The following COL8A1 variants were observed in gnomAD, a reference collection of about 807,000 sequenced individuals.
COL8A1 encodes collagen alpha-1(VIII) chain.
A neutral mutation model predicts 42.7 loss-of-function variants in COL8A1; 21 were observed. That is an observed-to-expected ratio of 0.49 (90% CI 0.35 to 0.71). The LOEUF is 0.71. COL8A1 is among the 30% of genes least tolerant of loss of function. The pLI, the probability that COL8A1 is intolerant of heterozygous loss-of-function variation, is 0.01. For synonymous variants in COL8A1, 367 were observed against 369.1 expected, an observed-to-expected ratio of 0.99 and a Z score of 0.06; for missense variants, 788 against 962.4, an observed-to-expected ratio of 0.82 and a Z score of 2.40.
chr3:99,760,604 A>T (rs1399317760), intron 2 of COL8A1, among the ~76,000 whole-genome samples: 2 of 152,286 alleles, frequency 1.3e-5, no homozygotes, highest in East Asian at 3.9e-4. Flanking sequence ...CCTCAAAACC[A>T]TCTGAGTTAA....
chr3:99,668,219 T>C (rs929357706), intron 1 of COL8A1, among the ~76,000 whole-genome samples: 1 of 152,166 alleles, frequency 6.6e-6, no homozygotes, highest in Non-Finnish European at 1.5e-5. Context: ...CCTGTCAGTG[T>C]GGAAAAAGAA....
At chr3:99,793,965 T>C (rs1172616585) in intron 3 of COL8A1, among the ~76,000 whole-genome samples, 2 of 152,226 alleles carry the variant, frequency 1.3e-5, no homozygotes, top group Non-Finnish European at 2.9e-5. Flanking sequence ...TTGGCCAAGC[T>C]GGTCTCGAAC....
intron 1 of COL8A1, among the ~76,000 whole-genome samples, chr3:99,708,500 AC>A (rs1939745515): frequency 6.6e-6 from 1 of 152,012 alleles, no homozygotes; most frequent in African/African-American, 2.4e-5. Context: ...TGATGATAAA[AC>A]CTTCCACCCG....
At chr3:99,711,094 G>A (rs1939821399) in intron 1 of COL8A1, among the ~76,000 whole-genome samples, 2 of 143,048 alleles carry the variant, frequency 1.4e-5, no homozygotes, top group African/African-American at 5.4e-5. Flanking sequence ...AATTTATTGT[G>A]ACAATTCCAA....
Position 99,794,789 on chromosome 3 carries a change from G to A in COL8A1, c.888G>A (p.Gly296=). ...LGKPGAPGEP[G]PQGPIGVPGV... ...AGCCAGGGGCTCCAGGAGAACCTGG[G>A]CCACAAGGCCCTATTGGGGTACCGG... Residue 296 remains glycine, a synonymous_variant, in exon 4 of 4, where the codon GGG becomes GGA. Transcript: ENST00000652472. The surrounding 1 kb of genome is among the most constrained non-coding windows in gnomAD (Gnocchi z 4.3). 6.2e-7 allele frequency: 1 copy of A among 1,602,598 alleles called. No individual in the cohort carries two copies. The highest frequency in any genetic ancestry group is 8.5e-7 in the Non-Finnish European group (1 of 1,175,570).
chr3:99,739,683 C>A (rs1473871581), intron 1 of COL8A1, among the ~76,000 whole-genome samples: 2 of 152,192 alleles, frequency 1.3e-5, no homozygotes, highest in African/African-American at 4.8e-5. Context: ...GAACACAGGG[C>A]ACCAAGTCCC....
chr3:99,692,343 G>A (rs114796243), intron 1 of COL8A1, among the ~76,000 whole-genome samples: 14,103 of 152,234 alleles, frequency 0.093, 847 homozygotes, highest in Non-Finnish European at 0.14. Context: ...ACAGAAAAAT[G>A]GATAGTAGGC....
chr3:99,743,990 G>A (rs1442600551), intron 1 of COL8A1, among the ~76,000 whole-genome samples: 2 of 150,886 alleles, frequency 1.3e-5, no homozygotes, highest in African/African-American at 2.4e-5. Flanking sequence ...GTGCAGTGGC[G>A]CGATCTCGGC....
At chr3:99,665,379 G>C (rs1938333505) in intron 1 of COL8A1, among the ~76,000 whole-genome samples, 1 of 152,232 alleles carries the variant, frequency 6.6e-6, no homozygotes, top group South Asian at 2.1e-4. Context: ...ATAACATGGA[G>C]GAGAGGGAAA....
At chr3:99,730,466 G>A (rs774248899) in intron 1 of COL8A1, among the ~76,000 whole-genome samples, 13 of 152,088 alleles carry the variant, frequency 8.5e-5, no homozygotes, top group Non-Finnish European at 1.9e-4. Context: ...CCTGGCCACT[G>A]AAGCCCAGCC....
At chr3:99,739,070 G>A (rs902924936) in intron 1 of COL8A1, among the ~76,000 whole-genome samples, 14 of 152,250 alleles carry the variant, frequency 9.2e-5, no homozygotes, top group South Asian at 2.1e-4. Context: ...GCAATGCCTC[G>A]CCCTGCTTTG....
rs1252048524 is a variant in COL8A1, at chr3:99,794,798, C to A, written c.897C>A (p.Gly299=). 3 of 1,609,638 alleles carry A rather than the reference C, an allele frequency of 1.9e-6. No individual in the cohort carries two copies. The highest frequency in any genetic ancestry group is 2.2e-5 in the South Asian group (2 of 90,744). Residue 299 remains glycine, a synonymous_variant, in exon 4 of 4, where the codon GGC becomes GGA. Coordinates refer to ENST00000652472, the MANE Select transcript of COL8A1 (RefSeq NM_020351.4). The surrounding 1 kb of genome is among the most constrained non-coding windows in gnomAD (Gnocchi z 4.3). ...CTCCAGGAGAACCTGGGCCACAAGG[C>A]CCTATTGGGGTACCGGGGGTTCAAG... ...PGAPGEPGPQ[G]PIGVPGVQGP...
Position 99,700,547 on chromosome 3 carries a change from T to C in COL8A1, c.-128-44350T>C, listed in dbSNP as rs143341653. ...AGAGGAGAGAAGTCTTCATGTATCA[T>C]CTTTGTTACTTACTTGTCTCAGTGG... On this transcript the variant is annotated intron_variant, in intron 1 of 3. Coordinates refer to ENST00000652472, the MANE Select transcript of COL8A1 (RefSeq NM_020351.4). 2.2e-4 allele frequency among the ~76,000 whole-genome samples: 34 copies of C among 152,230 alleles called. No homozygotes were observed. The East Asian group carries it at 6.4e-3, about 29-fold the overall frequency.
intron 1 of COL8A1, among the ~76,000 whole-genome samples, chr3:99,640,387 T>C (rs1021928244): frequency 1.1e-4 from 16 of 152,216 alleles, no homozygotes; most frequent in African/African-American, 3.6e-4. Flanking sequence ...ATTCTTCTTT[T>C]ATGGTAGTGC....
chr3:99,775,272 C>A (rs1202882999), intron 2 of COL8A1, among the ~76,000 whole-genome samples: 2 of 152,162 alleles, frequency 1.3e-5, no homozygotes, highest in East Asian at 3.9e-4. Flanking sequence ...CTGGTGCTCT[C>A]CCATCTGGCA....
chr3:99,639,482 G>A (rs1317568406), intron 1 of COL8A1, among the ~76,000 whole-genome samples: 1 of 152,206 alleles, frequency 6.6e-6, no homozygotes, highest in Non-Finnish European at 1.5e-5. Context: ...AGATCAGCGA[G>A]AAAGGCTTTG....
intron 1 of COL8A1, among the ~76,000 whole-genome samples, chr3:99,660,948 C>A (rs1003755616): frequency 6.6e-6 from 1 of 151,966 alleles, no homozygotes; most frequent in African/African-American, 2.4e-5. Flanking sequence ...TAAAATACAC[C>A]TCATGCAGTG....
Position 99,796,084 on chromosome 3 carries a change from C to G in COL8A1, c.2183C>G (p.Ala728Gly), listed in dbSNP as rs1430833979. The G allele has an allele frequency of 3.8e-6, 6 of 1,582,946 alleles. No homozygotes were observed. Among genetic ancestry groups the G allele is most frequent in the Non-Finnish European group, 5.2e-6 (6 of 1,160,772 alleles). ...TCAGAACAGGCTGCAGGACTGTATG[C>G]CGGGCAGTATGTCCACTCCTCCTTT... is the stretch of plus-strand genomic sequence containing the variant. ...MPSEQAAGLY[A>G]GQYVHSSFSG... is the part of the protein sequence containing the mutation. Residue 728 changes from alanine to glycine, a missense_variant, in exon 4 of 4, where the codon GCC becomes GGC. Around this residue, in one of 4 missense-constraint regions of COL8A1, gnomAD observed 212 missense variants for 210.9 expected, o/e 1.00. Coordinates refer to ENST00000652472, the MANE Select transcript of COL8A1 (RefSeq NM_020351.4).
chr3:99,773,837 A>ATATATATATATTTTT (rs1200212756), intron 2 of COL8A1, among the ~76,000 whole-genome samples: 5 of 45,394 alleles, frequency 1.1e-4, no homozygotes, highest in Non-Finnish European at 7.1e-5. Context: ...ATATATATAT[A>ATATATATATATTTTT]TTTTTTTTTT....
Sources: allele counts gnomAD v4.1 joint callset (sites outside exome capture counted in the v4.1 genomes callset), GRCh38; gene constraint gnomAD v4.1.1; regional missense constraint gnomAD v4.1.1; non-coding constraint Gnocchi (gnomAD v3.1); transcripts MANE v1.5; gene names NCBI Gene and HGNC (gene_info 2026-07-23, HGNC 2026-07-21).